Variants in MTURN observed in about 807,000 individuals in gnomAD.
MTURN encodes the protein maturin.
A neutral mutation model predicts 14.9 loss-of-function variants in MTURN; 7 were observed. The ratio of observed to expected loss-of-function variants is 0.47; its 90% confidence interval spans 0.27 to 0.88. The LOEUF (loss-of-function observed/expected upper bound fraction) is 0.88, where lower values mean the gene tolerates loss of function less well. Ranked by LOEUF, MTURN falls within the 40% of genes least tolerant of loss-of-function variation. The pLI is 0.14. For synonymous variants in MTURN, 69 were observed against 72.5 expected, an observed-to-expected ratio of 0.95 and a Z score of 0.25; for missense variants, 151 against 174.1, an observed-to-expected ratio of 0.87 and a Z score of 0.75.
intron 2 of MTURN, among the ~76,000 whole-genome samples, chr7:30,153,170 G>A (rs571411876): frequency 7.9e-5 from 12 of 152,270 alleles, no homozygotes; most frequent in African/African-American, 2.9e-4. Context: ...CCCAGTCTGT[G>A]TGTACGCCTG....
At chr7:30,147,271 A>G (rs1407555230) in intron 2 of MTURN, among the ~76,000 whole-genome samples, 10 of 152,176 alleles carry the variant, frequency 6.6e-5, no homozygotes, top group Admixed American at 5.9e-4. Flanking sequence ...ATTGTATTTG[A>G]AAGTTTACAT....
intron 2 of MTURN, among the ~76,000 whole-genome samples, chr7:30,151,354 T>G (rs1272597138): frequency 6.6e-6 from 1 of 152,218 alleles, no homozygotes; most frequent in Admixed American, 6.5e-5. Flanking sequence ...TGCATTTTTC[T>G]TAAGTGACCC....
intron 2 of MTURN, among the ~76,000 whole-genome samples, chr7:30,147,767 C>A (rs1230482187): frequency 6.6e-6 from 1 of 152,176 alleles, no homozygotes; most frequent in Non-Finnish European, 1.5e-5. Flanking sequence ...ATTTCAGTGG[C>A]TTTTGTCACT....
At chr7:30,135,417 C>A (rs1445162644) in intron 1 of MTURN, 119 bp downstream of exon 1, 1 of 773,646 alleles carries the variant, frequency 1.3e-6, no homozygotes, top group Non-Finnish European at 1.7e-6. Flanking sequence ...GGCCGTAACC[C>A]GCGCCCCGCG....
intron 1 of MTURN, chr7:30,145,924 G>A (rs764345889): frequency 6.4e-7 from 1 of 1,551,740 alleles, no homozygotes; most frequent in Non-Finnish European, 8.7e-7. Context: ...TCTTTACTGT[G>A]TAGGAGCAGA....
At chr7:30,142,552 C>T (rs984735991) in intron 1 of MTURN, among the ~76,000 whole-genome samples, 3 of 152,212 alleles carry the variant, frequency 2.0e-5, no homozygotes, top group Non-Finnish European at 4.4e-5. Context: ...GTTGGAAATA[C>T]ATATTCTCAG....
At chr7:30,138,206 C>T (rs1475394028) in intron 1 of MTURN, among the ~76,000 whole-genome samples, 2 of 152,148 alleles carry the variant, frequency 1.3e-5, no homozygotes, top group African/African-American at 2.4e-5. Context: ...CCCTCTGCCT[C>T]CCGGGTTCAA....
At chr7:30,139,769 T>A (rs1797020007) in intron 1 of MTURN, among the ~76,000 whole-genome samples, 1 of 152,124 alleles carries the variant, frequency 6.6e-6, no homozygotes. Context: ...CCTTGCACAC[T>A]CTTTCTCTAT....
chr7:30,154,026 C>A (rs1291493539), intron 2 of MTURN, among the ~76,000 whole-genome samples: 1 of 152,122 alleles, frequency 6.6e-6, no homozygotes, highest in Non-Finnish European at 1.5e-5. Flanking sequence ...CCTAAACCCC[C>A]TTTAACCTCA....
At chr7:30,145,139 G>A (rs907828689) in intron 1 of MTURN, among the ~76,000 whole-genome samples, 6 of 152,022 alleles carry the variant, frequency 3.9e-5, no homozygotes, top group Admixed American at 2.6e-4. Flanking sequence ...ACATTTATGA[G>A]AGAGGCTTGC....
chr7:30,140,666 G>A (rs1311987758), intron 1 of MTURN, among the ~76,000 whole-genome samples: 1 of 152,130 alleles, frequency 6.6e-6, no homozygotes, highest in African/African-American at 2.4e-5. Flanking sequence ...TGCATGTGAT[G>A]TGCTCAGTAG....
chr7:30,151,804 T>C (rs764117187), intron 2 of MTURN, among the ~76,000 whole-genome samples: 2 of 152,196 alleles, frequency 1.3e-5, no homozygotes, highest in African/African-American at 2.4e-5. Flanking sequence ...AGTCCTCTCC[T>C]GGGCTTGCTG....
At chr7:30,137,244 A>T (rs2110393) in intron 1 of MTURN, 1 of 170,852 alleles carries the variant, frequency 5.9e-6, no homozygotes, top group Non-Finnish European at 1.3e-5. Flanking sequence ...CTCCCTCCTG[A>T]CCGTGTGAAA....
In MTURN at chr7:30,135,040, C is replaced by A; in HGVS notation, c.-97C>A. Reference sequence around the variant, plus strand: ...CGGCCCAGCCCGGCCCCGGAGGAGCCCGCGCAGGCCGAGCCGAGCGCCGCG... The same window carrying A: ...CGGCCCAGCCCGGCCCCGGAGGAGCACGCGCAGGCCGAGCCGAGCGCCGCG... On this transcript the variant is annotated 5_prime_UTR_variant, in exon 1 of 3. Transcript: ENST00000324453. The A allele has an allele frequency of 9.4e-7, 1 of 1,067,432 alleles. No individual in the cohort carries two copies. Among genetic ancestry groups the A allele is most frequent in the Admixed American group, 5.2e-5 (1 of 19,086 alleles). The allele number at this position is 1,067,432 out of a possible 1,614,324, so 66.1% of individuals were successfully genotyped here.
intron 2 of MTURN, among the ~76,000 whole-genome samples, chr7:30,148,326 A>G (rs1797158026): frequency 6.6e-6 from 1 of 152,232 alleles, no homozygotes; most frequent in African/African-American, 2.4e-5. Flanking sequence ...AGGGAGCAGG[A>G]GCGGCCAGTG....
chr7:30,137,731 T>C (rs1221964920), intron 1 of MTURN: 1 of 468,606 alleles, frequency 2.1e-6, no homozygotes, highest in Admixed American at 2.4e-5. Context: ...ATAAGTGTCC[T>C]GCCTTAGTTC....
At chr7:30,148,744 C>T (rs1797163952) in intron 2 of MTURN, among the ~76,000 whole-genome samples, 1 of 131,202 alleles carries the variant, frequency 7.6e-6, no homozygotes, top group Non-Finnish European at 1.6e-5. Context: ...ATGGCCTAGT[C>T]ATTTACTGAG....
chr7:30,135,011 C>T lies in MTURN; in HGVS notation c.-126C>T, dbSNP rs1796918337. 1 of 835,864 alleles carries T rather than the reference C, an allele frequency of 1.2e-6. No individual in the cohort carries two copies. The highest frequency in any genetic ancestry group is 1.5e-6 in the Non-Finnish European group (1 of 679,470). The allele number at this position is 835,864 out of a possible 1,614,324, so 51.8% of individuals were successfully genotyped here. A position where few individuals can be genotyped will look rare whatever the true frequency, so the allele number is the denominator to read the frequency against. On this transcript the variant is annotated 5_prime_UTR_variant, in exon 1 of 3. Transcript: ENST00000324453. ...ACTCCGCACCGCATGTAAACAGTCCCAGCCGGCCCAGCCCGGCCCCGGAGG... is the reference window on the plus strand; with the variant it reads ...ACTCCGCACCGCATGTAAACAGTCCTAGCCGGCCCAGCCCGGCCCCGGAGG...
intron 2 of MTURN, among the ~76,000 whole-genome samples, chr7:30,147,035 T>C (rs1405739755): frequency 6.6e-6 from 1 of 152,264 alleles, no homozygotes; most frequent in African/African-American, 2.4e-5. Flanking sequence ...TGGTATTTGC[T>C]AGAATTTCTA....
Sources: allele counts gnomAD v4.1 joint callset (sites outside exome capture counted in the v4.1 genomes callset), GRCh38; gene constraint gnomAD v4.1.1; transcripts MANE v1.5; gene names NCBI Gene and HGNC (gene_info 2026-07-23, HGNC 2026-07-21).